ITGA9: variants seen among roughly 807,000 people sequenced by gnomAD.
ITGA9 encodes the protein integrin subunit alpha 9, also known as integrin alpha-9.
A neutral mutation model predicts 127.8 loss-of-function variants in ITGA9; 56 were observed. The ratio of observed to expected loss-of-function variants is 0.44; its 90% confidence interval spans 0.35 to 0.55. The LOEUF is 0.55. Ranked by LOEUF, ITGA9 falls within the 20% of genes least tolerant of loss-of-function variation. The probability of loss-of-function intolerance (pLI) is 0.00; values close to 1 mark genes in which losing one functional copy is unlikely to be tolerated. For synonymous variants in ITGA9, 508 were observed against 514.5 expected (o/e 0.99, Z 0.17); for missense variants, 1,196 against 1,347.1 (o/e 0.89, Z 1.76).
chr3:37,651,414 G>T (rs1487363010), intron 16 of ITGA9, among the ~76,000 whole-genome samples: 1 of 152,112 alleles, frequency 6.6e-6, no homozygotes, highest in African/African-American at 2.4e-5. Context: ...CTCTAAGCTG[G>T]GGCATCCACC....
intron 15 of ITGA9, among the ~76,000 whole-genome samples, chr3:37,553,707 G>A (rs886873094): frequency 1.3e-5 from 2 of 152,204 alleles, no homozygotes; most frequent in Non-Finnish European, 2.9e-5. Flanking sequence ...CTGCTCCTGG[G>A]AGCACAGGGG....
chr3:37,641,408 C>T (rs1042786619), intron 16 of ITGA9, among the ~76,000 whole-genome samples: 2 of 152,164 alleles, frequency 1.3e-5, no homozygotes, highest in African/African-American at 4.8e-5. Context: ...AGATGAACCT[C>T]TCTGGATCTT....
At chr3:37,708,484 C>T (rs1701032476) in intron 18 of ITGA9, among the ~76,000 whole-genome samples, 1 of 152,230 alleles carries the variant, frequency 6.6e-6, no homozygotes, top group East Asian at 1.9e-4. Flanking sequence ...TGCAAACTAT[C>T]TACCCCAACC....
chr3:37,762,146 C>T (rs1036856066), intron 23 of ITGA9, among the ~76,000 whole-genome samples: 3 of 152,232 alleles, frequency 2.0e-5, no homozygotes, highest in East Asian at 1.9e-4. Flanking sequence ...CAAAACCCAC[C>T]GGCCCTCCCA....
chr3:37,790,375 T>C, intron 26 of ITGA9: 1 of 502,516 alleles, frequency 2.0e-6, no homozygotes, highest in Non-Finnish European at 4.1e-6. Flanking sequence ...GGGCTTCATC[T>C]TGCTGATTTC....
chr3:37,500,098 A>G (rs1306871635), intron 5 of ITGA9, among the ~76,000 whole-genome samples: 1 of 152,146 alleles, frequency 6.6e-6, no homozygotes, highest in African/African-American at 2.4e-5. Flanking sequence ...TTATATTTGG[A>G]CACTGATTAC....
chr3:37,801,631 T>C (rs1335724609), intron 26 of ITGA9, among the ~76,000 whole-genome samples: 1 of 151,904 alleles, frequency 6.6e-6, no homozygotes, highest in African/African-American at 2.4e-5. Flanking sequence ...AGAAACTCTG[T>C]CTCAAAAAAT....
At chr3:37,711,816 G>T (rs2125678971) in intron 18 of ITGA9, among the ~76,000 whole-genome samples, 1 of 152,336 alleles carries the variant, frequency 6.6e-6, no homozygotes, top group South Asian at 2.1e-4. Flanking sequence ...TGTGTAAAGT[G>T]CCTGCAGCAG....
chr3:37,739,838 G>T (rs973894056), intron 20 of ITGA9, among the ~76,000 whole-genome samples: 1 of 152,222 alleles, frequency 6.6e-6, no homozygotes, highest in African/African-American at 2.4e-5. Flanking sequence ...AGTGGGCCAG[G>T]ATGGTGTTAA....
intron 15 of ITGA9, among the ~76,000 whole-genome samples, chr3:37,622,536 T>C (rs887169117): frequency 3.2e-4 from 49 of 152,182 alleles, no homozygotes; most frequent in African/African-American, 1.1e-3. Flanking sequence ...AATATCATAG[T>C]TGCCATTTAA....
At chr3:37,535,590 G>A (rs1168511278) in intron 14 of ITGA9, among the ~76,000 whole-genome samples, 4 of 152,180 alleles carry the variant, frequency 2.6e-5, no homozygotes, top group Non-Finnish European at 5.9e-5. Context: ...ACTGTACCTT[G>A]TGGGCAATGC....
intron 13 of ITGA9, among the ~76,000 whole-genome samples, chr3:37,531,059 C>G (rs1249203612): frequency 6.6e-6 from 1 of 151,922 alleles, no homozygotes; most frequent in African/African-American, 2.4e-5. Context: ...CCGCTACCAG[C>G]TTCTTAAGAA....
At chr3:37,456,030 G>A (rs1002292948) in intron 1 of ITGA9, among the ~76,000 whole-genome samples, 5 of 152,110 alleles carry the variant, frequency 3.3e-5, no homozygotes, top group Non-Finnish European at 7.4e-5. Flanking sequence ...TAAGTGTGGG[G>A]GTGATCTTGC....
rs77185230 is a variant in ITGA9, at chr3:37,682,232, C to G, written c.1917-1633C>G. ...CCTCATTGCTTCCATTTGTTCTCCT[C>G]CTACATCTCTGAAACTCTCTCCAGT... On this transcript the variant is annotated intron_variant, in intron 17 of 27. Transcript: ENST00000264741. Among the ~76,000 whole-genome samples, 975 of 152,344 alleles carry G rather than the reference C, an allele frequency of 6.4e-3. 8 individuals carry two copies. Among genetic ancestry groups the G allele is most frequent in the Middle Eastern group, 0.024 (7 of 294 alleles).
chr3:37,641,461 T>G (rs1325587634), intron 16 of ITGA9, among the ~76,000 whole-genome samples: 1 of 152,108 alleles, frequency 6.6e-6, no homozygotes, highest in Non-Finnish European at 1.5e-5. Flanking sequence ...AGATGCCTGT[T>G]AGTCTGTCGC....
At chr3:37,805,169 G>A (rs61589729) in intron 27 of ITGA9, among the ~76,000 whole-genome samples, 1 of 151,806 alleles carries the variant, frequency 6.6e-6, no homozygotes, top group Admixed American at 6.6e-5. Flanking sequence ...TCCTGCCTCA[G>A]CCTCCCAAGT....
chr3:37,474,774 ACATGCTG>A (rs1698475122), intron 3 of ITGA9, among the ~76,000 whole-genome samples: 1 of 152,254 alleles, frequency 6.6e-6, no homozygotes, highest in Admixed American at 6.5e-5. Flanking sequence ...CATTTGGGTC[ACATGCTG>A]CAAAGCTGAG....
chr3:37,572,128 C>T lies in ITGA9; in HGVS notation c.1689+29543C>T, dbSNP rs369301319. On this transcript the variant is annotated intron_variant, in intron 15 of 27. Transcript: ENST00000264741. The stretch of plus-strand genomic sequence containing the variant: ...CCTGGATCCTGCCCTGTAAACATGC[C>T]CAGGGGTCTCTGAGGATGGATGCGT... 3.9e-5 allele frequency among the ~76,000 whole-genome samples: 6 copies of T among 151,928 alleles called. No homozygotes were observed. In the East Asian group the frequency reaches 9.7e-4, roughly 24 times the overall value.
At chr3:37,552,330 C>T (rs551475591) in intron 15 of ITGA9, among the ~76,000 whole-genome samples, 3 of 151,590 alleles carry the variant, frequency 2.0e-5, no homozygotes, top group South Asian at 2.1e-4. Flanking sequence ...AGCCTCATTG[C>T]GTGGGATAAG....
Sources: gnomAD v4.1 joint callset for allele counts (sites outside exome capture counted in the v4.1 genomes callset) on GRCh38, gnomAD v4.1.1 for gene constraint, MANE v1.5 for transcripts, NCBI Gene and HGNC (gene_info 2026-07-23, HGNC 2026-07-21) for gene names.